MARCHF2: variants seen among roughly 807,000 people sequenced by gnomAD.
The protein encoded by MARCHF2 is E3 ubiquitin-protein ligase MARCHF2.
A neutral mutation model predicts 24.0 loss-of-function variants in MARCHF2; 22 were observed. The ratio of observed to expected loss-of-function variants is 0.92; its 90% CI spans 0.66 to 1.31. The LOEUF (loss-of-function observed/expected upper bound fraction) is 1.31, where lower values mean the gene tolerates loss of function less well. MARCHF2 is among the 50% of genes most tolerant of loss of function. MARCHF2 has a pLI of 0.00. For synonymous variants in MARCHF2, 154 were observed against 153.0 expected (o/e 1.01, Z -0.05); for missense variants, 301 against 335.3 (o/e 0.90, Z 0.80).
chr19:8,430,960 G>T lies in MARCHF2; in HGVS notation c.582+93G>T, dbSNP rs1967567284. On this transcript the variant is annotated intron_variant, in intron 4 of 4. Transcript: ENST00000215555. This position sits in a 1 kb window ranked among gnomAD's most constrained non-coding sequence, Gnocchi z 4.4. ...TGGCCCCTGGCTTGTGGGGCACGGG[G>T]CTCCCTGGCTGCCTCTGTCTATGGC... The T allele has an allele frequency of 4.6e-6, 6 of 1,290,338 alleles. No individual in the cohort carries two copies. In the Admixed American group the frequency reaches 8.8e-5, roughly 19 times the overall value. 79.9% of individuals were successfully genotyped at this position (1,290,338 alleles called of 1,614,324 possible). A position where few individuals can be genotyped will look rare whatever the true frequency, so the allele number is the denominator to read the frequency against.
At chr19:8,429,512 A>ATTATT (rs1256420672) in intron 3 of MARCHF2, among the ~76,000 whole-genome samples, 1 of 142,176 alleles carries the variant, frequency 7.0e-6, no homozygotes. Context: ...TATTATTATT[A>ATTATT]TTATTATTTT....
Position 8,438,630 on chromosome 19 carries a change from A to G in MARCHF2, c.*84A>G. Reference sequence around the variant, plus strand: ...CCTGTGGAAGGACTTCCACTTCAACACTTCCACTTCAACAGTTCCCGCACG... The same window carrying G: ...CCTGTGGAAGGACTTCCACTTCAACGCTTCCACTTCAACAGTTCCCGCACG... On this transcript the variant is annotated 3_prime_UTR_variant, in exon 5 of 5. Transcript: ENST00000215555. 2 of 1,438,124 alleles carry G rather than the reference A, an allele frequency of 1.4e-6. No individual in the cohort carries two copies. Among genetic ancestry groups the G allele is most frequent in the Admixed American group, 2.1e-5 (1 of 46,720 alleles). 89.1% of individuals were successfully genotyped at this position (1,438,124 alleles called of 1,614,324 possible).
At position 8,426,591 on chromosome 19, in the gene MARCHF2, T is replaced by C; in HGVS notation, c.177-18T>C. 1 of 1,609,204 alleles carries C rather than the reference T, an allele frequency of 6.2e-7. No individual in the cohort carries two copies. The highest frequency in any genetic ancestry group is 1.1e-5 in the South Asian group (1 of 90,850). ...AGAAAGCCCAATCATTGCTCATGGG[T>C]CCTATCTCTGTGTCCAGTGATGGTC... On this transcript the variant is annotated intron_variant, in intron 2 of 4. Coordinates refer to ENST00000215555, the MANE Select transcript of MARCHF2 (RefSeq NM_001005415.2).
At position 8,438,642 on chromosome 19, in the gene MARCHF2, A is replaced by G. The variant is rs891051932; in HGVS notation, c.*96A>G. ...CTTCCACTTCAACACTTCCACTTCA[A>G]CAGTTCCCGCACGGCCTGAACGCTT... On this transcript the variant is annotated 3_prime_UTR_variant, in exon 5 of 5. Coordinates refer to ENST00000215555, the MANE Select transcript of MARCHF2 (RefSeq NM_001005415.2). 16 of 1,368,336 alleles carry G rather than the reference A, an allele frequency of 1.2e-5. No individual in the cohort carries two copies. The highest frequency in any genetic ancestry group is 1.6e-5 in the Non-Finnish European group (16 of 999,590). The allele number at this position is 1,368,336 out of a possible 1,614,324, so 84.8% of individuals were successfully genotyped here.
chr19:8,431,807 C>A (rs551855560), intron 4 of MARCHF2, among the ~76,000 whole-genome samples: 30 of 152,154 alleles, frequency 2.0e-4, no homozygotes, highest in African/African-American at 7.2e-4. Context: ...CACTGCACTC[C>A]AGCCTGGGCG....
chr19:8,435,737 G>A (rs1757506450), intron 4 of MARCHF2, among the ~76,000 whole-genome samples: 1 of 151,430 alleles, frequency 6.6e-6, no homozygotes, highest in African/African-American at 2.4e-5. Flanking sequence ...ACAGTGTTTT[G>A]CTATGTTGTT....
chr19:8,436,495 T>C (rs1967725582), intron 4 of MARCHF2, among the ~76,000 whole-genome samples: 1 of 152,032 alleles, frequency 6.6e-6, no homozygotes, highest in Non-Finnish European at 1.5e-5. Context: ...CTGTGCTCTC[T>C]CTATTCATGC....
chr19:8,419,425 C>G (rs947054131), intron 1 of MARCHF2, among the ~76,000 whole-genome samples: 2 of 152,036 alleles, frequency 1.3e-5, no homozygotes, highest in African/African-American at 4.8e-5. Flanking sequence ...GCCCGGGAGG[C>G]GGAGGTTGCA....
chr19:8,416,670 G>A (rs982218575), intron 1 of MARCHF2, among the ~76,000 whole-genome samples: 1 of 152,024 alleles, frequency 6.6e-6, no homozygotes, highest in Non-Finnish European at 1.5e-5. Flanking sequence ...GGGTGCAAGC[G>A]ATTCTCCCAC....
At chr19:8,432,961 G>A (rs930721105) in intron 4 of MARCHF2, among the ~76,000 whole-genome samples, 8 of 152,092 alleles carry the variant, frequency 5.3e-5, no homozygotes, top group South Asian at 2.1e-4. Context: ...ACTCACGCCT[G>A]TAATCCCAGC....
Position 8,426,550 on chromosome 19 carries a change from T to C in MARCHF2, c.177-59T>C. ...GGTGAGCTTGTGATCCAGTGGGTAG[T>C]GAAGCAGGTATAGACAGAAAGCCCA... On this transcript the variant is annotated intron_variant, in intron 2 of 4. Coordinates refer to ENST00000215555, the MANE Select transcript of MARCHF2 (RefSeq NM_001005415.2). 5 of 1,429,336 alleles carry C rather than the reference T, an allele frequency of 3.5e-6. No individual in the cohort carries two copies. In the South Asian group the frequency reaches 6.0e-5, roughly 17 times the overall value. 88.5% of individuals were successfully genotyped at this position (1,429,336 alleles called of 1,614,324 possible).
intron 4 of MARCHF2, among the ~76,000 whole-genome samples, chr19:8,436,467 C>T (rs1350646351): frequency 1.3e-5 from 2 of 152,010 alleles, no homozygotes; most frequent in South Asian, 2.1e-4. Flanking sequence ...AGAGTAGTTT[C>T]GTTGCCCTAA....
Position 8,430,940 on chromosome 19 carries a change from C to A in MARCHF2, c.582+73C>A. ...GAGCAGCAGGGCCAAGGATTTGGCC[C>A]CTGGCTTGTGGGGCACGGGGCTCCC... is the stretch of plus-strand genomic sequence containing the variant. On this transcript the variant is annotated intron_variant, in intron 4 of 4. Coordinates refer to ENST00000215555, the MANE Select transcript of MARCHF2 (RefSeq NM_001005415.2). The surrounding 1 kb of genome is among the most constrained non-coding windows in gnomAD (Gnocchi z 4.4). 6.8e-7 allele frequency: 1 copy of A among 1,471,262 alleles called. No homozygotes were observed. Among genetic ancestry groups the A allele is most frequent in the East Asian group, 2.5e-5 (1 of 40,240 alleles). The allele number at this position is 1,471,262 out of a possible 1,614,324, so 91.1% of individuals were successfully genotyped here.
intron 2 of MARCHF2, 63 bp from the exon 3 acceptor site, chr19:8,426,546 G>T: frequency 7.3e-7 from 1 of 1,365,134 alleles, no homozygotes; most frequent in South Asian, 1.2e-5. Flanking sequence ...GATCCAGTGG[G>T]TAGTGAAGCA....
chr19:8,430,609 A>G lies in MARCHF2; in HGVS notation c.373-49A>G. On this transcript the variant is annotated intron_variant, in intron 3 of 4. Transcript: ENST00000215555. This position sits in a 1 kb window ranked among gnomAD's most constrained non-coding sequence, Gnocchi z 4.4. ...GAGGTCCTTACCCCTCCCCCTCAGT[A>G]GCCCCTTCTCTGCCCCCTCTCCTCT... 1 of 1,492,924 alleles carries G rather than the reference A, an allele frequency of 6.7e-7. No homozygotes were observed. Among genetic ancestry groups the G allele is most frequent in the Non-Finnish European group, 9.2e-7 (1 of 1,083,902 alleles). The allele number at this position is 1,492,924 out of a possible 1,614,324, so 92.5% of individuals were successfully genotyped here. A position where few individuals can be genotyped will look rare whatever the true frequency, so the allele number is the denominator to read the frequency against.
At chr19:8,422,725 T>A (rs1370848827) in intron 2 of MARCHF2, among the ~76,000 whole-genome samples, 1 of 138,828 alleles carries the variant, frequency 7.2e-6, no homozygotes, top group Non-Finnish European at 1.6e-5. Context: ...TTTTTTTTTT[T>A]AGAGAGTCTT....
intron 4 of MARCHF2, among the ~76,000 whole-genome samples, chr19:8,436,091 G>T (rs1046070911): frequency 1.1e-4 from 16 of 151,818 alleles, no homozygotes; most frequent in Non-Finnish European, 2.4e-4. Context: ...GACTCTTGCT[G>T]TTGGACATTT....
chr19:8,421,908 C>T lies in MARCHF2; in HGVS notation c.68C>T (p.Ser23Phe), dbSNP rs541856398. The change falls in exon 2 of 5, where the codon TCC becomes TTC. Residue 23 changes from serine to phenylalanine, a missense_variant. By Grantham distance (155) the Ser-to-Phe change is radical (BLOSUM62 -2). Coordinates refer to ENST00000215555, the MANE Select transcript of MARCHF2 (RefSeq NM_001005415.2). Reference protein sequence around the residue: ...LCDCSGSPAFSKVVEATGLGP... With the variant: ...LCDCSGSPAFFKVVEATGLGP... ...GACTGCTCCGGCAGCCCTGCCTTCT[C>T]CAAGGTCGTGGAGGCTACGGGCCTC... The T allele has an allele frequency of 8.1e-6, 13 of 1,613,904 alleles. No individual in the cohort carries two copies. The Middle Eastern group carries it at 6.6e-4, about 82-fold the overall frequency.
intron 4 of MARCHF2, among the ~76,000 whole-genome samples, chr19:8,435,609 G>A (rs1021299997): frequency 2.0e-5 from 3 of 152,054 alleles, no homozygotes; most frequent in Non-Finnish European, 4.4e-5. Context: ...TGTGATCTCC[G>A]CTCACTGCAA....
Sources: gnomAD v4.1 joint callset for allele counts (sites outside exome capture counted in the v4.1 genomes callset) on GRCh38, gnomAD v4.1.1 for gene constraint, Gnocchi (gnomAD v3.1) non-coding constraint, MANE v1.5 for transcripts, NCBI Gene and HGNC (gene_info 2026-07-23, HGNC 2026-07-21) for gene names.